The following PTK2 variants were observed in gnomAD, a reference collection of about 807,000 sequenced individuals.
PTK2 encodes focal adhesion kinase 1.
In PTK2, 45 loss-of-function variants were observed where a neutral mutation model predicts 150.1. The observed-to-expected ratio is 0.30, with a 90% CI of 0.24 to 0.38. The LOEUF is 0.38. Ranked by LOEUF, PTK2 falls within the 10% of genes least tolerant of loss-of-function variation. PTK2 has a pLI of 1.00. For missense variants in PTK2, 919 were observed against 1,307.3 expected (o/e 0.70, Z 4.58); for synonymous variants, 432 against 449.2 (o/e 0.96, Z 0.48).
At chr8:140,807,130 T>TAG (rs1233713593) in intron 10 of PTK2, among the ~76,000 whole-genome samples, 2 of 152,266 alleles carry the variant, frequency 1.3e-5, no homozygotes, top group African/African-American at 4.8e-5. Flanking sequence ...GGTGCTAGAC[T>TAG]GTGTTCCAAG....
chr8:140,823,600 G>A (rs945859530), intron 8 of PTK2, among the ~76,000 whole-genome samples: 11 of 152,084 alleles, frequency 7.2e-5, no homozygotes, highest in African/African-American at 2.4e-4. Context: ...GGCCCTACCC[G>A]ACTGGACCCT....
At chr8:140,753,047 T>TG (rs1230466428) in intron 16 of PTK2, among the ~76,000 whole-genome samples, 1 of 152,182 alleles carries the variant, frequency 6.6e-6, no homozygotes, top group Admixed American at 6.5e-5. Flanking sequence ...GTTTGGACAT[T>TG]GGAGTACCAT....
chr8:140,696,163 G>A (rs189590411), intron 26 of PTK2, among the ~76,000 whole-genome samples: 51 of 152,252 alleles, frequency 3.3e-4, no homozygotes, highest in Middle Eastern at 3.4e-3. Context: ...GATGGGAGCT[G>A]GGGGAGAGTG....
chr8:140,858,936 T>G (rs1422707437), intron 5 of PTK2, among the ~76,000 whole-genome samples: 4 of 152,202 alleles, frequency 2.6e-5, no homozygotes, highest in African/African-American at 9.7e-5. Context: ...CCAAAAGAGA[T>G]AAATTATTAA....
At chr8:140,912,727 G>A (rs999929254) in intron 2 of PTK2, among the ~76,000 whole-genome samples, 15 of 152,070 alleles carry the variant, frequency 9.9e-5, no homozygotes, top group African/African-American at 2.7e-4. Context: ...TTGGGAGGCC[G>A]AGGCGGGCGG....
intron 30 of PTK2, among the ~76,000 whole-genome samples, chr8:140,665,765 TAAA>T: frequency 6.6e-6 from 1 of 152,218 alleles, no homozygotes; most frequent in South Asian, 2.1e-4. Flanking sequence ...GTAAAACGGT[TAAA>T]AAAATAGTGT....
chr8:140,886,612 T>G (rs1461566545), intron 3 of PTK2, among the ~76,000 whole-genome samples: 1 of 152,180 alleles, frequency 6.6e-6, no homozygotes, highest in Non-Finnish European at 1.5e-5. Flanking sequence ...GGGCTCAACT[T>G]TTTTCCACGC....
intron 2 of PTK2, among the ~76,000 whole-genome samples, chr8:140,898,108 A>G (rs2100157033): frequency 6.6e-6 from 1 of 152,232 alleles, no homozygotes. Flanking sequence ...ATCACAGACC[A>G]ATACTTTTGT....
intron 21 of PTK2, among the ~76,000 whole-genome samples, chr8:140,738,609 T>C (rs926275754): frequency 6.6e-6 from 1 of 152,124 alleles, no homozygotes; most frequent in African/African-American, 2.4e-5. Flanking sequence ...AGAGACAAGG[T>C]AGAATTTTAG....
intron 14 of PTK2, among the ~76,000 whole-genome samples, chr8:140,781,505 C>G (rs2100081675): frequency 6.6e-6 from 1 of 152,128 alleles, no homozygotes; most frequent in Admixed American, 6.5e-5. Context: ...TGGGAATACT[C>G]TCTTCTGGAA....
chr8:140,681,068 G>GA lies in PTK2; in HGVS notation c.2562+5563dup, dbSNP rs568881203. Among the ~76,000 whole-genome samples the GA allele has an allele frequency of 4.1e-4, 62 of 152,300 alleles. No individual in the cohort carries two copies. In the South Asian group the frequency reaches 9.5e-3, roughly 23 times the overall value. On this transcript the variant is annotated intron_variant, in intron 27 of 31. Transcript: ENST00000522684. ...GGTTTGCTCAAATTAGTAAGATTAAGAAGATCTTAAATTCAGCTGGGCGCG... is the reference window on the plus strand; with the variant it reads ...GGTTTGCTCAAATTAGTAAGATTAAGAAAGATCTTAAATTCAGCTGGGCGCG...
At chr8:140,729,540 C>G (rs1464743156) in intron 22 of PTK2, among the ~76,000 whole-genome samples, 1 of 152,238 alleles carries the variant, frequency 6.6e-6, no homozygotes, top group Non-Finnish European at 1.5e-5. Context: ...CCATGTCCCC[C>G]TCAAAGCCCG....
chr8:140,739,150 C>T lies in PTK2; in HGVS notation c.1736-43G>A, dbSNP rs780565155. On this transcript the variant is annotated intron_variant, in intron 20 of 31. Coordinates refer to ENST00000522684, the Ensembl canonical transcript of PTK2. ...GAAAATAAATTTTCCTTGTTATCTG[C>T]TTAAGAATCTAACAGAGCTAGCTGA... 3.0e-6 allele frequency: 4 copies of T among 1,321,718 alleles called. No homozygotes were observed. In the African/African-American group the frequency reaches 6.0e-5, roughly 20 times the overall value. 81.9% of individuals were successfully genotyped at this position (1,321,718 alleles called of 1,614,324 possible).
At position 140,743,213 on chromosome 8, in the gene PTK2, C is replaced by T; in HGVS notation, c.1735+17G>A. 1.3e-6 allele frequency: 2 copies of T among 1,503,182 alleles called. No individual in the cohort carries two copies. The highest frequency in any genetic ancestry group is 1.9e-6 in the Non-Finnish European group (2 of 1,080,996). 93.1% of individuals were successfully genotyped at this position (1,503,182 alleles called of 1,614,324 possible). A position where few individuals can be genotyped will look rare whatever the true frequency, so the allele number is the denominator to read the frequency against. ...AGATTCCAAGCCTATTTCTTAGGTA[C>T]TACTCTGATTTCTTACCTTTGTAGT... is the stretch of plus-strand genomic sequence containing the variant. On this transcript the variant is annotated intron_variant, in intron 20 of 31. Coordinates refer to ENST00000522684, the Ensembl canonical transcript of PTK2.
At chr8:140,704,563 G>C (rs1171723062) in intron 24 of PTK2, among the ~76,000 whole-genome samples, 1 of 152,198 alleles carries the variant, frequency 6.6e-6, no homozygotes, top group African/African-American at 2.4e-5. Flanking sequence ...AGCAGGTGCT[G>C]CATGTTTTCT....
In PTK2 at chr8:140,819,045, T is replaced by C. The variant is rs754744015; in HGVS notation, c.649-25A>G. 12 of 1,607,172 alleles carry C rather than the reference T, an allele frequency of 7.5e-6. No homozygotes were observed. The Admixed American group carries it at 1.5e-4, about 20-fold the overall frequency. ...CCTGCATGACAAAATTACCAAAACA[T>C]CTTGTAAAAATCAGCAATGAGTAAA... is the stretch of plus-strand genomic sequence containing the variant. On this transcript the variant is annotated intron_variant, in intron 8 of 31. Transcript: ENST00000522684.
At chr8:140,699,792 T>C (rs2100029130) in intron 26 of PTK2, among the ~76,000 whole-genome samples, 1 of 151,938 alleles carries the variant, frequency 6.6e-6, no homozygotes, top group Admixed American at 6.6e-5. Context: ...AAAAAGCAAA[T>C]AACCCATTAT....
At chr8:140,674,363 G>C (rs778270156) in exon 29 of PTK2, 52 of 1,606,732 alleles carry the variant, frequency 3.2e-5, no homozygotes, top group Non-Finnish European at 4.3e-5. Flanking sequence ...AGATGACCGG[G>C]AGCTCCAGGG....
chr8:140,891,690 C>CTG, intron 2 of PTK2, among the ~76,000 whole-genome samples: 1 of 152,202 alleles, frequency 6.6e-6, no homozygotes, highest in East Asian at 1.9e-4. Flanking sequence ...AGGGTGGAGA[C>CTG]TGTGTCAAAC....
Sources: gnomAD v4.1 joint callset for allele counts (sites outside exome capture counted in the v4.1 genomes callset) on GRCh38, gnomAD v4.1.1 for gene constraint, MANE v1.5 for transcripts, NCBI Gene and HGNC (gene_info 2026-07-23, HGNC 2026-07-21) for gene names.